The following DOK4 variants were observed in gnomAD, a reference collection of about 807,000 sequenced individuals.
DOK4 encodes docking protein 4, also known as downstream of tyrosine kinase 4.
Under a neutral mutation model 40.1 loss-of-function variants are expected in DOK4, and 26 were observed. The ratio of observed to expected loss-of-function variants is 0.65; its 90% CI spans 0.48 to 0.90. The LOEUF is 0.90. DOK4 is among the 40% of genes least tolerant of loss of function. The pLI is 0.00. For missense variants in DOK4, 392 were observed against 437.2 expected (o/e 0.90, Z 0.92); for synonymous variants, 179 against 177.0 (o/e 1.01, Z -0.09).
rs2031515359 is a variant in DOK4, at chr16:57,485,402, G to A, written c.-182+903C>T. On this transcript the variant is annotated intron_variant, in intron 1 of 8. Coordinates refer to ENST00000340099, the Ensembl canonical transcript of DOK4. This position sits in a 1 kb window ranked among gnomAD's most constrained non-coding sequence, Gnocchi z 4.3. ...AGGAGGCACAGCTCCTGGGATCAGAGTTGGGGGTGGGGGCAGGAAGAGCCT... is the reference window on the plus strand; with the variant it reads ...AGGAGGCACAGCTCCTGGGATCAGAATTGGGGGTGGGGGCAGGAAGAGCCT... 6.6e-6 allele frequency among the ~76,000 whole-genome samples: 1 copy of A among 152,216 alleles called. No individual in the cohort carries two copies. The highest frequency in any genetic ancestry group is 2.1e-4 in the South Asian group (1 of 4,834).
intron 6 of DOK4, 86 bp from the exon 7 acceptor site, chr16:57,474,125 T>C (rs2031031819): frequency 6.4e-7 from 1 of 1,572,068 alleles, no homozygotes; most frequent in Non-Finnish European, 8.7e-7. Flanking sequence ...AACTGCAAGT[T>C]GTGGTTGCAT....
chr16:57,473,637 T>A lies in DOK4; in HGVS notation c.838A>T (p.Ile280Phe), dbSNP rs527844891. The A allele has an allele frequency of 2.7e-5, 44 of 1,614,250 alleles. No individual in the cohort carries two copies. The South Asian group carries it at 4.6e-4, about 17-fold the overall frequency. ...CCAGCATAGCTGGAGGCTTCGGCGATGTTCTGGGAACCAGTGATGTGGTGC... is the reference window on the plus strand; with the variant it reads ...CCAGCATAGCTGGAGGCTTCGGCGAAGTTCTGGGAACCAGTGATGTGGTGC... Residue 280 changes from isoleucine to phenylalanine, a missense_variant, in exon 8 of 9, where the codon ATC becomes TTC. Coordinates refer to ENST00000340099, the Ensembl canonical transcript of DOK4.
In DOK4 at chr16:57,476,094, G is replaced by T. The variant is rs2031172281; in HGVS notation, c.67-137C>A. On this transcript the variant is annotated intron_variant, in intron 2 of 8. Coordinates refer to ENST00000340099, the Ensembl canonical transcript of DOK4. ...TGGAGCCCCAGCCTGGGGACACCGG[G>T]GGTGGGAGTCACCAGCAGTGTCACC... 7 of 690,204 alleles carry T rather than the reference G, an allele frequency of 1.0e-5. No individual in the cohort carries two copies. In the South Asian group the frequency reaches 1.2e-4, roughly 12 times the overall value. 42.8% of individuals were successfully genotyped at this position (690,204 alleles called of 1,614,324 possible). A position where few individuals can be genotyped will look rare whatever the true frequency, so the allele number is the denominator to read the frequency against.
chr16:57,481,409 G>T (rs2031405326), intron 1 of DOK4: 1 of 152,198 alleles, frequency 6.6e-6, no homozygotes, highest in South Asian at 2.1e-4. Context: ...CTCCTATAAG[G>T]TCTGGTCTGG....
intron 1 of DOK4, chr16:57,481,570 CA>C (rs1274688172): frequency 6.6e-6 from 1 of 152,252 alleles, no homozygotes; most frequent in African/African-American, 2.4e-5. Context: ...AGTTCCTCTC[CA>C]AGATGATTAG....
At chr16:57,476,558 C>G (rs368792200) in intron 2 of DOK4, among the ~76,000 whole-genome samples, 1 of 152,204 alleles carries the variant, frequency 6.6e-6, no homozygotes, top group African/African-American at 2.4e-5. Context: ...CCCTAGTTCT[C>G]TGAGTCAGGT....
chr16:57,475,886 T>C (rs965719905), exon 3 of DOK4: 2 of 1,613,468 alleles, frequency 1.2e-6, no homozygotes, highest in South Asian at 2.2e-5. Context: ...ACTTCTCATC[T>C]GGATACTTCT....
At chr16:57,477,597 C>A (rs1567589865) in intron 2 of DOK4, among the ~76,000 whole-genome samples, 1 of 152,234 alleles carries the variant, frequency 6.6e-6, no homozygotes, top group Non-Finnish European at 1.5e-5. Context: ...ATGCCGGTTG[C>A]CTGGTTACAG....
intron 6 of DOK4, 89 bp downstream of exon 6, chr16:57,474,704 C>G: frequency 1.3e-6 from 2 of 1,493,020 alleles, no homozygotes; most frequent in East Asian, 4.9e-5. Flanking sequence ...ATAAGTAAAC[C>G]AAGCTCCTAG....
chr16:57,475,049 C>T (rs1295787662), intron 5 of DOK4, 51 bp downstream of exon 5: 1 of 1,602,500 alleles, frequency 6.2e-7, no homozygotes, highest in Non-Finnish European at 8.5e-7. Context: ...TCCCTCCCTT[C>T]CTCTCTTCCT....
Position 57,473,631 on chromosome 16 carries a change from C to T in DOK4, c.844G>A (p.Glu282Lys), listed in dbSNP as rs199789460. ...GACTCACCAGCATAGCTGGAGGCTT[C>T]GGCGATGTTCTGGGAACCAGTGATG... The change falls in exon 8 of 9, where the codon GAA (glutamate) becomes AAA (lysine). Residue 282 changes from glutamate to lysine, a missense_variant. Transcript: ENST00000340099. 5.4e-5 allele frequency: 87 copies of T among 1,614,118 alleles called. No homozygotes were observed. The highest frequency in any genetic ancestry group is 6.0e-5 in the Non-Finnish European group (71 of 1,180,062).
In DOK4 at chr16:57,473,881, A is replaced by C; in HGVS notation, c.738+20T>G. On this transcript the variant is annotated intron_variant, in intron 7 of 8. Transcript: ENST00000340099. ...GTTCCCCCCTCCCCCCGTACCCTGG[A>C]CTGATGCCCGCTGCCTCACCCTCAC... 1.7e-6 allele frequency: 2 copies of C among 1,166,196 alleles called. No individual in the cohort carries two copies. Among genetic ancestry groups the C allele is most frequent in the South Asian group, 2.4e-5 (2 of 83,544 alleles). The allele number at this position is 1,166,196 out of a possible 1,614,324, so 72.2% of individuals were successfully genotyped here.
chr16:57,477,281 G>A (rs1320718964), intron 2 of DOK4, among the ~76,000 whole-genome samples: 1 of 152,166 alleles, frequency 6.6e-6, no homozygotes, highest in Middle Eastern at 3.2e-3. Flanking sequence ...GGGACCCTAG[G>A]AGGCATGTCT....
In DOK4 at chr16:57,479,613, C is replaced by A. The variant is rs554872208; in HGVS notation, c.-106G>T. 7.8e-6 allele frequency: 10 copies of A among 1,279,044 alleles called. No homozygotes were observed. The highest frequency in any genetic ancestry group is 2.9e-5 in the African/African-American group (2 of 68,678). 79.2% of individuals were successfully genotyped at this position (1,279,044 alleles called of 1,614,324 possible). On this transcript the variant is annotated 5_prime_UTR_variant, in exon 2 of 9. Coordinates refer to ENST00000340099, the Ensembl canonical transcript of DOK4. This position sits in a 1 kb window ranked among gnomAD's most constrained non-coding sequence, Gnocchi z 5.8. ...CAATCACCTGTTCCAGACACTCTGT[C>A]GGGGCTGCCGCGAGGGGCTGCTCCT...
exon 6 of DOK4, chr16:57,474,965 G>A (rs2031075960): frequency 6.2e-7 from 1 of 1,611,288 alleles, no homozygotes; most frequent in Non-Finnish European, 8.5e-7. Flanking sequence ...CAGGGCAGCA[G>A]GAAGACATTG....
At chr16:57,473,945 C>T in exon 7 of DOK4, 1 of 1,613,182 alleles carries the variant, frequency 6.2e-7, no homozygotes, top group Non-Finnish European at 8.5e-7. Flanking sequence ...TTGTGCTGCT[C>T]TGCGATGGCC....
exon 9 of DOK4, chr16:57,473,295 C>A: frequency 6.6e-7 from 1 of 1,516,138 alleles, no homozygotes; most frequent in East Asian, 2.3e-5. Flanking sequence ...GCCGACAGCC[C>A]CCTGAGGCTG....
At chr16:57,474,593 T>G (rs1462285562) in intron 6 of DOK4, 200 bp downstream of exon 6, 1 of 688,788 alleles carries the variant, frequency 1.5e-6, no homozygotes, top group African/African-American at 1.8e-5. Flanking sequence ...ATAGCTTCAC[T>G]TGACCTGCAT....
At chr16:57,475,462 A>G in intron 4 of DOK4, 44 bp downstream of exon 4, 1 of 1,546,432 alleles carries the variant, frequency 6.5e-7, no homozygotes, top group South Asian at 1.1e-5. Flanking sequence ...TCTGACCAAG[A>G]CCACCCCAGG....
Sources: allele counts gnomAD v4.1 joint callset (sites outside exome capture counted in the v4.1 genomes callset), GRCh38; gene constraint gnomAD v4.1.1; non-coding constraint Gnocchi (gnomAD v3.1); transcripts MANE v1.5; gene names NCBI Gene and HGNC (gene_info 2026-07-23, HGNC 2026-07-21).